The following TXLNB variants were observed in gnomAD, a reference collection of about 807,000 sequenced individuals.
The protein encoded by TXLNB is beta-taxilin.
Under a neutral mutation model 57.4 loss-of-function variants are expected in TXLNB, and 37 were observed. That is an observed-to-expected ratio of 0.64 (90% confidence interval 0.50 to 0.85). TXLNB has a LOEUF of 0.85. Among genes scored for constraint, TXLNB ranks in the 40% least tolerant of loss-of-function variants. The probability of loss-of-function intolerance (pLI) is 0.00; values close to 1 mark genes in which losing one functional copy is unlikely to be tolerated. For missense variants in TXLNB, 848 were observed against 825.6 expected (o/e 1.03, Z -0.33); for synonymous variants, 302 against 309.6 (o/e 0.98, Z 0.26).
the TXLNB span, among the ~76,000 whole-genome samples, chr6:139,173,663 T>C: frequency 0.55 from 83,674 of 152,008 alleles, 24,005 homozygotes; most frequent in Non-Finnish European, 0.59. Context: ...TCTGACTCTT[T>C]CCTAATTATT....
At position 139,242,436 on chromosome 6, in the gene TXLNB, T is replaced by G; in HGVS notation, c.*90A>C. 8.9e-7 allele frequency: 1 copy of G among 1,127,912 alleles called. No homozygotes were observed. The highest frequency in any genetic ancestry group is 1.2e-6 in the Non-Finnish European group (1 of 838,986). The allele number at this position is 1,127,912 out of a possible 1,614,324, so 69.9% of individuals were successfully genotyped here. A position where few individuals can be genotyped will look rare whatever the true frequency, so the allele number is the denominator to read the frequency against. ...GATCCTAAGTCTCTTCCATTTGACA[T>G]CTCTAGCCCTTAATGCCTTTTTCGG... On this transcript the variant is annotated 3_prime_UTR_variant, in exon 10 of 10. Transcript: ENST00000358430.
At chr6:139,268,842 T>C (rs1776681343) in intron 4 of TXLNB, 1 of 152,212 alleles carries the variant, frequency 6.6e-6, no homozygotes, top group Non-Finnish European at 1.5e-5. Context: ...TCATTCTGTC[T>C]TTGTTTTTTT....
At position 139,274,388 on chromosome 6, in the gene TXLNB, C is replaced by T. The variant is rs577899204; in HGVS notation, c.516+2442G>A. ...GCAAGGAAATAGGCTTTAGTCTCCA[C>T]GTAAAAAATTGAAATTCCTCATAAT... On this transcript the variant is annotated intron_variant, in intron 3 of 9. Coordinates refer to ENST00000358430, the MANE Select transcript of TXLNB (RefSeq NM_153235.4). Among the ~76,000 whole-genome samples, 6 of 152,210 alleles carry T rather than the reference C, an allele frequency of 3.9e-5. No homozygotes were observed. In the South Asian group the frequency reaches 8.3e-4, roughly 21 times the overall value.
chr6:139,213,426 C>T, the TXLNB span, among the ~76,000 whole-genome samples: 1 of 152,028 alleles, frequency 6.6e-6, no homozygotes, highest in African/African-American at 2.4e-5. Context: ...TCTTTGAAAC[C>T]AATGAGAACA....
At chr6:139,195,073 A>T in the TXLNB span, among the ~76,000 whole-genome samples, 8 of 152,054 alleles carry the variant, frequency 5.3e-5, no homozygotes, top group Admixed American at 5.2e-4. Context: ...TTCCTTTCTC[A>T]AGGGCCTTCA....
chr6:139,250,360 T>TC (rs201577627), intron 7 of TXLNB, among the ~76,000 whole-genome samples: 36 of 145,804 alleles, frequency 2.5e-4, no homozygotes, highest in East Asian at 1.0e-3. Flanking sequence ...TTTCTTTCTT[T>TC]TTTTTTTTTT....
chr6:139,225,242 T>C, the TXLNB span, among the ~76,000 whole-genome samples: 1 of 152,152 alleles, frequency 6.6e-6, no homozygotes, highest in African/African-American at 2.4e-5. Flanking sequence ...TAGCAAAATA[T>C]GTAAGCTTTC....
Position 139,271,964 on chromosome 6 carries a change from G to C in TXLNB, c.517-1338C>G, listed in dbSNP as rs916241852. The C allele has an allele frequency of 2.0e-5, 3 of 152,218 alleles. No individual in the cohort carries two copies. In the South Asian group the frequency reaches 6.2e-4, roughly 32 times the overall value. The allele number at this position is 152,218 out of a possible 1,614,324, so 9.4% of individuals were successfully genotyped here. A position where few individuals can be genotyped will look rare whatever the true frequency, so the allele number is the denominator to read the frequency against. On this transcript the variant is annotated intron_variant, in intron 3 of 9. Transcript: ENST00000358430. The stretch of plus-strand genomic sequence containing the variant: ...TGCCTCACAGAGCCTAATGCAAATG[G>C]ATACAGATGCCACATGAGTCCTGAC...
chr6:139,185,096 G>A, the TXLNB span, among the ~76,000 whole-genome samples: 26 of 152,126 alleles, frequency 1.7e-4, 1 homozygote, highest in Admixed American at 6.5e-5. Flanking sequence ...ATAGGCTTGC[G>A]TTCCTCTGAG....
At chr6:139,277,178 T>C (rs1776920327) in intron 2 of TXLNB, 3 of 351,966 alleles carry the variant, frequency 8.5e-6, no homozygotes, top group Non-Finnish European at 1.0e-5. Context: ...AACAGAAGTC[T>C]CCCAGTTTTC....
intron 2 of TXLNB, among the ~76,000 whole-genome samples, chr6:139,283,403 C>T (rs1777100071): frequency 6.9e-6 from 1 of 144,068 alleles, no homozygotes; most frequent in Non-Finnish European, 1.5e-5. Flanking sequence ...ATGGAGAAAT[C>T]CTGTCTCTAC....
At chr6:139,236,499 C>CT (rs1343472608), downstream of TXLNB, among the ~76,000 whole-genome samples, 2 of 152,168 alleles carry the variant, frequency 1.3e-5, no homozygotes, top group African/African-American at 4.8e-5. Context: ...TTATAAGCAC[C>CT]TGGCATTTCC....
the TXLNB span, among the ~76,000 whole-genome samples, chr6:139,175,498 C>A: frequency 6.6e-6 from 1 of 152,096 alleles, no homozygotes; most frequent in Admixed American, 6.5e-5. Context: ...TTGAGAGAAA[C>A]CAGAGGAAGT....
chr6:139,253,343 C>T (rs1395946857), intron 7 of TXLNB, among the ~76,000 whole-genome samples: 3 of 152,172 alleles, frequency 2.0e-5, no homozygotes, highest in African/African-American at 4.8e-5. Context: ...TCCACAGTTG[C>T]TGAGCAAGAG....
At chr6:139,306,412 C>T in the TXLNB span, among the ~76,000 whole-genome samples, 2 of 152,196 alleles carry the variant, frequency 1.3e-5, no homozygotes. Flanking sequence ...GAGACACAGC[C>T]CTTGACATTC....
chr6:139,288,027 T>C (rs1201414696), intron 2 of TXLNB, among the ~76,000 whole-genome samples: 2 of 152,226 alleles, frequency 1.3e-5, no homozygotes, highest in Non-Finnish European at 2.9e-5. Flanking sequence ...AACTAGGATG[T>C]GCACAGGCCT....
At chr6:139,211,547 C>A in the TXLNB span, among the ~76,000 whole-genome samples, 1 of 152,038 alleles carries the variant, frequency 6.6e-6, no homozygotes. Flanking sequence ...GAGCAGAAAA[C>A]CTGGAAACTC....
chr6:139,304,296 G>A, the TXLNB span, among the ~76,000 whole-genome samples: 1 of 152,160 alleles, frequency 6.6e-6, no homozygotes, highest in South Asian at 2.1e-4. Flanking sequence ...GACACAAGGT[G>A]AGAATATCAG....
At chr6:139,160,052 G>A in the TXLNB span, among the ~76,000 whole-genome samples, 2 of 152,134 alleles carry the variant, frequency 1.3e-5, no homozygotes, top group Non-Finnish European at 2.9e-5. Context: ...AGGATGCAGG[G>A]TAAGAAAGCT....
Sources: gnomAD v4.1 joint callset for allele counts (sites outside exome capture counted in the v4.1 genomes callset) on GRCh38, gnomAD v4.1.1 for gene constraint, MANE v1.5 for transcripts, NCBI Gene and HGNC (gene_info 2026-07-23, HGNC 2026-07-21) for gene names.